The following IGFN1 variants were observed in gnomAD, a reference collection of about 807,000 sequenced individuals.
IGFN1 encodes immunoglobulin like and fibronectin type III domain containing 1.
IGFN1 carries 253 observed loss-of-function variants against 289.5 expected under a neutral mutation model. The observed-to-expected ratio is 0.87, with a 90% confidence interval of 0.79 to 0.97. The LOEUF is 0.97. Ranked by LOEUF, IGFN1 falls within the 50% of genes least tolerant of loss-of-function variation. The probability of loss-of-function intolerance (pLI) is 0.00; values close to 1 mark genes in which losing one functional copy is unlikely to be tolerated. For missense variants in IGFN1, 4,470 were observed against 4,686.1 expected (o/e 0.95, Z 1.35); for synonymous variants, 1,706 against 1,788.5 (o/e 0.95, Z 1.16).
chr1:201,200,280 T>C lies in IGFN1; in HGVS notation c.502T>C (p.Trp168Arg), dbSNP rs1463615645. The C allele has an allele frequency of 1.3e-6, 2 of 1,551,540 alleles. No homozygotes were observed. The highest frequency in any genetic ancestry group is 1.7e-6 in the Non-Finnish European group (2 of 1,146,984). The change falls in exon 8 of 24, where the codon TGG (tryptophan) becomes CGG (arginine). Residue 168 changes from tryptophan (W) to arginine (R), a missense_variant. This residue lies in a region of IGFN1 where 2,011 missense variants were observed against 1,953.4 expected (regional missense o/e 1.03). Coordinates refer to ENST00000335211, the MANE Select transcript of IGFN1 (RefSeq NM_001164586.2). Reference protein sequence around the residue: ...PKKKMDLEQIWQLLMTADRKD... With the variant: ...PKKKMDLEQIRQLLMTADRKD... ...GAAAAAGATGGACCTTGAGCAGATA[T>C]GGCAGCTGCTGATGACAGCAGACAG...
At chr1:201,214,898 C>A in intron 13 of IGFN1, 115 bp from the exon 14 acceptor site, 1 of 1,032,896 alleles carries the variant, frequency 9.7e-7, no homozygotes, top group Non-Finnish European at 1.4e-6. Flanking sequence ...AATAAGCATT[C>A]CATTCACACA....
At chr1:201,219,354 T>C (rs968798274) in intron 18 of IGFN1, among the ~76,000 whole-genome samples, 4 of 152,258 alleles carry the variant, frequency 2.6e-5, no homozygotes, top group Admixed American at 6.5e-5. Context: ...GCATTTTCTA[T>C]CTGAGACCTG....
intron 4 of IGFN1, 95 bp from the exon 5 acceptor site, chr1:201,197,123 C>T (rs1001182307): frequency 2.1e-5 from 15 of 727,548 alleles, no homozygotes; most frequent in Non-Finnish European, 3.2e-5. Flanking sequence ...AGGACCATGT[C>T]TTACTCACTT....
At chr1:201,221,184 G>C (rs1344168226) in intron 18 of IGFN1, among the ~76,000 whole-genome samples, 2 of 152,212 alleles carry the variant, frequency 1.3e-5, no homozygotes, top group Admixed American at 1.3e-4. Flanking sequence ...AAGGCATTTG[G>C]CAGGTTGGTG....
rs1243952082 is a variant in IGFN1 at position 201,207,167 on chromosome 1, T to C, written c.2274T>C (p.Gly758=). 2 of 1,536,760 alleles carry C rather than the reference T, an allele frequency of 1.3e-6. No homozygotes were observed. The highest frequency in any genetic ancestry group is 4.9e-5 in the East Asian group (2 of 40,902). The part of the protein sequence containing the change: ...KAEDSLQEAD[G]ICRGESVVTG... ...AAGACTCACTGCAGGAGGCAGATGG[T>C]ATATGCCGGGGGGAGTCTGTAGTTA... Residue 758 remains glycine (G), a synonymous_variant, in exon 12 of 24, where the codon GGT becomes GGC. Coordinates refer to ENST00000335211, the MANE Select transcript of IGFN1 (RefSeq NM_001164586.2).
At chr1:201,191,708 C>T (rs1011035658) in intron 1 of IGFN1, among the ~76,000 whole-genome samples, 3 of 152,186 alleles carry the variant, frequency 2.0e-5, no homozygotes, top group Admixed American at 6.5e-5. Context: ...GGATGCTTAA[C>T]GTCACATCCC....
In IGFN1 at chr1:201,226,112, C is replaced by A. The variant is rs1654079002; in HGVS notation, c.10775C>A (p.Pro3592His). 3 of 1,593,648 alleles carry A rather than the reference C, an allele frequency of 1.9e-6. No individual in the cohort carries two copies. Among genetic ancestry groups the A allele is most frequent in the Non-Finnish European group, 2.6e-6 (3 of 1,168,096 alleles). The change falls in exon 22 of 24, where the codon CCC becomes CAC. Residue 3592 changes from proline (P) to histidine (H), a missense_variant. Pro to His is a moderately conservative substitution (Grantham distance 77, BLOSUM62 -2). Around this residue, in one of 8 missense-constraint regions of IGFN1, gnomAD observed 2,218 missense variants for 2,114.1 expected, o/e 1.05. Transcript: ENST00000335211. Reference protein sequence around the residue: ...PSDTSQPWCIPRQRDRFTVKA... With the variant: ...PSDTSQPWCIHRQRDRFTVKA... ...GACACCAGCCAGCCCTGGTGCATCC[C>A]CCGGCAGCGCGGTAAGCAGCCCCTG...
rs1355228632 is a variant in IGFN1, at chr1:201,212,387, G to A, written c.7494G>A (p.Gly2498=). The stretch of plus-strand genomic sequence containing the variant: ...TCAAAGAATGGCAAGACAGTTCTGG[G>A]ACTCCAGGGTCTTCTAGAGACAGAG... The part of the protein sequence containing the change: ...PDVKEWQDSS[G]TPGSSRDRGA... Residue 2498 remains glycine (G), a synonymous_variant, in exon 12 of 24, where the codon GGG becomes GGA. Coordinates refer to ENST00000335211, the MANE Select transcript of IGFN1 (RefSeq NM_001164586.2). 3.3e-6 allele frequency: 5 copies of A among 1,536,976 alleles called. No homozygotes were observed. In the Admixed American group the frequency reaches 9.8e-5, roughly 30 times the overall value.
chr1:201,208,881 G>A lies in IGFN1; in HGVS notation c.3988G>A (p.Ala1330Thr), dbSNP rs1667567039. ...AGCAGGTTATAGGAAAGATTTAGGG[G>A]CTCCTGAGGGAATAAGTTCAGGGAG... ...DEAGYRKDLGAPEGISSGSKA... is the reference protein window; with the variant it reads ...DEAGYRKDLGTPEGISSGSKA... The change falls in exon 12 of 24, where the codon GCT becomes ACT. Residue 1330 changes from alanine to threonine, a missense_variant. Physicochemically the swap from Ala to Thr is moderately conservative, Grantham distance 58. This residue lies in a region of IGFN1 where 2,011 missense variants were observed against 1,953.4 expected (regional missense o/e 1.03). Coordinates refer to ENST00000335211, the MANE Select transcript of IGFN1 (RefSeq NM_001164586.2). 5 of 1,536,788 alleles carry A rather than the reference G, an allele frequency of 3.3e-6. No individual in the cohort carries two copies. The East Asian group carries it at 1.2e-4, about 38-fold the overall frequency.
At chr1:201,219,630 C>T (rs1311309335) in intron 18 of IGFN1, among the ~76,000 whole-genome samples, 1 of 152,250 alleles carries the variant, frequency 6.6e-6, no homozygotes, top group East Asian at 1.9e-4. Flanking sequence ...GCCAAGTCCT[C>T]TAGGGAGCAG....
intron 20 of IGFN1, among the ~76,000 whole-genome samples, chr1:201,223,718 C>G (rs533546637): frequency 9.2e-5 from 14 of 152,210 alleles, no homozygotes; most frequent in Admixed American, 2.6e-4. Flanking sequence ...CCTCATCTGT[C>G]AAAAGGGGAT....
Position 201,210,795 on chromosome 1 carries a change from G to T in IGFN1, c.5902G>T (p.Ala1968Ser). Residue 1968 changes from alanine (A) to serine (S), a missense_variant, in exon 12 of 24, where the codon GCT (alanine) becomes TCT (serine). By Grantham distance (99) the Ala-to-Ser change is moderately conservative. Transcript: ENST00000335211. ...NKAGYRKDLG[A>S]PKGMGSGSKE... Reference sequence around the variant, plus strand: ...GGCAGGTTATAGGAAGGATTTGGGGGCTCCTAAGGGAATGGGTTCAGGGAG... The same window carrying T: ...GGCAGGTTATAGGAAGGATTTGGGGTCTCCTAAGGGAATGGGTTCAGGGAG... 3 of 1,530,376 alleles carry T rather than the reference G, an allele frequency of 2.0e-6. No homozygotes were observed. Among genetic ancestry groups the T allele is most frequent in the Non-Finnish European group, 2.6e-6 (3 of 1,144,310 alleles). 94.8% of individuals were successfully genotyped at this position (1,530,376 alleles called of 1,614,324 possible).
At position 201,208,575 on chromosome 1, in the gene IGFN1, G is replaced by T. The variant is rs200228670; in HGVS notation, c.3682G>T (p.Val1228Phe). ...ACTTCCAGGGCCTCAGGGAACTGGG[G>T]TCAGAACAGCCTATGGAGAAAGGTC... is the stretch of plus-strand genomic sequence containing the variant. ...SELPGPQGTG[V>F]RTAYGERSRG... The change falls in exon 12 of 24, where the codon GTC (valine) becomes TTC (phenylalanine). Residue 1228 changes from valine to phenylalanine, a missense_variant. Around this residue, in one of 8 missense-constraint regions of IGFN1, gnomAD observed 2,011 missense variants for 1,953.4 expected, o/e 1.03. Transcript: ENST00000335211. 24 of 1,477,296 alleles carry T rather than the reference G, an allele frequency of 1.6e-5. No individual in the cohort carries two copies. The highest frequency in any genetic ancestry group is 2.1e-5 in the Non-Finnish European group (24 of 1,122,566). The allele number at this position is 1,477,296 out of a possible 1,614,324, so 91.5% of individuals were successfully genotyped here. A position where few individuals can be genotyped will look rare whatever the true frequency, so the allele number is the denominator to read the frequency against.
rs1224676465 is a variant in IGFN1, at chr1:201,212,260, C to G, written c.7367C>G (p.Thr2456Ser). The part of the protein sequence containing the change: ...GVLGSQGGRQ[T>S]LSDERGSTKD... ...CTGGGGTCTCAGGGAGGGCGACAGACTCTTTCAGATGAGCGAGGCTCCACC... is the reference window on the plus strand; with the variant it reads ...CTGGGGTCTCAGGGAGGGCGACAGAGTCTTTCAGATGAGCGAGGCTCCACC... Residue 2456 changes from threonine to serine, a missense_variant, in exon 12 of 24, where the codon ACT becomes AGT. Physicochemically the swap from Thr to Ser is moderately conservative, Grantham distance 58. Coordinates refer to ENST00000335211, the MANE Select transcript of IGFN1 (RefSeq NM_001164586.2). 5.9e-6 allele frequency: 9 copies of G among 1,535,730 alleles called. No homozygotes were observed. The highest frequency in any genetic ancestry group is 7.9e-6 in the Non-Finnish European group (9 of 1,146,438).
At chr1:201,192,077 C>T (rs748458732) in intron 1 of IGFN1, among the ~76,000 whole-genome samples, 23 of 152,206 alleles carry the variant, frequency 1.5e-4, no homozygotes, top group African/African-American at 4.6e-4. Context: ...CACCCTTCCT[C>T]GTGACTCCCT....
intron 18 of IGFN1, among the ~76,000 whole-genome samples, chr1:201,219,662 A>C (rs950568232): frequency 6.6e-6 from 1 of 152,270 alleles, no homozygotes; most frequent in African/African-American, 2.4e-5. Context: ...CACTTGACGG[A>C]TGGGCCAGGT....
chr1:201,206,102 T>C lies in IGFN1; in HGVS notation c.1209T>C (p.Leu403=). ...LVVEAGKDKD[L]QSTSADHKLQ... ...CTGAAGCTGGGAAGGATAAAGACCT[T>C]CAGTCCACAAGTGCTGACCACAAAC... is the stretch of plus-strand genomic sequence containing the variant. The change falls in exon 12 of 24, where the codon CTT becomes CTC. Residue 403 remains leucine (L), a synonymous_variant. Coordinates refer to ENST00000335211, the MANE Select transcript of IGFN1 (RefSeq NM_001164586.2). The C allele has an allele frequency of 6.5e-7, 1 of 1,550,010 alleles. No individual in the cohort carries two copies. The highest frequency in any genetic ancestry group is 8.7e-7 in the Non-Finnish European group (1 of 1,146,568).
chr1:201,198,355 C>T (rs945248782), intron 5 of IGFN1, among the ~76,000 whole-genome samples: 7 of 152,068 alleles, frequency 4.6e-5, no homozygotes, highest in Non-Finnish European at 1.0e-4. Context: ...AGGCTGGTCT[C>T]GAACTCCTGA....
Position 201,198,898 on chromosome 1 carries a change from C to T in IGFN1, c.368-436C>T, listed in dbSNP as rs936500584. On this transcript the variant is annotated intron_variant, in intron 5 of 23. Coordinates refer to ENST00000335211, the MANE Select transcript of IGFN1 (RefSeq NM_001164586.2). The stretch of plus-strand genomic sequence containing the variant: ...AGATGATGAAGAATACAAATGGCTG[C>T]AGGATTAGCCAAACAGCAATGTCTG... Among the ~76,000 whole-genome samples, 13 of 152,314 alleles carry T rather than the reference C, an allele frequency of 8.5e-5. No individual in the cohort carries two copies. In the East Asian group the frequency reaches 2.1e-3, roughly 25 times the overall value.
Sources: allele counts gnomAD v4.1 joint callset (sites outside exome capture counted in the v4.1 genomes callset), GRCh38; gene constraint gnomAD v4.1.1; regional missense constraint gnomAD v4.1.1; transcripts MANE v1.5; gene names NCBI Gene and HGNC (gene_info 2026-07-23, HGNC 2026-07-21).